Variants in TDRD1 observed in about 807,000 individuals in gnomAD.
The protein encoded by TDRD1 is tudor domain containing 1.
A neutral mutation model predicts 140.6 loss-of-function variants in TDRD1; 37 were observed. The observed-to-expected ratio is 0.26, with a 90% CI of 0.20 to 0.35. The LOEUF (loss-of-function observed/expected upper bound fraction) is 0.35, where lower values mean the gene tolerates loss of function less well. Ranked by LOEUF, TDRD1 falls within the 10% of genes least tolerant of loss-of-function variation. The pLI is 1.00. For synonymous variants in TDRD1, 506 were observed against 475.7 expected, an observed-to-expected ratio of 1.06 and a Z score of -0.83; for missense variants, 1,243 against 1,393.0, an observed-to-expected ratio of 0.89 and a Z score of 1.71.
chr10:114,191,213 T>G (rs1436989195), intron 3 of TDRD1, among the ~76,000 whole-genome samples, 194 bp downstream of exon 3: 1 of 152,252 alleles, frequency 6.6e-6, no homozygotes, highest in Non-Finnish European at 1.5e-5. Flanking sequence ...ATAATGGAGA[T>G]CCTGTGTAGT....
chr10:114,176,217 A>G (rs1391175436), upstream of TDRD1, among the ~76,000 whole-genome samples: 1 of 152,114 alleles, frequency 6.6e-6, no homozygotes, highest in Non-Finnish European at 1.5e-5. This position sits in a 1 kb window ranked among gnomAD's most constrained non-coding sequence, Gnocchi z 4.2. Flanking sequence ...ATTTTCTGAA[A>G]TGCTACAATA....
chr10:114,217,389 GT>G (rs1240543880), intron 16 of TDRD1, among the ~76,000 whole-genome samples, 155 bp from the exon 17 acceptor site: 1 of 152,120 alleles, frequency 6.6e-6, no homozygotes, highest in Non-Finnish European at 1.5e-5. Flanking sequence ...TTGCCCAGTA[GT>G]TTTTTAATAA....
chr10:114,219,645 T>C (rs1318456412), intron 18 of TDRD1, among the ~76,000 whole-genome samples: 1 of 148,080 alleles, frequency 6.8e-6, no homozygotes. Flanking sequence ...TGGAGTGCAA[T>C]GGCACAATCT....
chr10:114,202,496 G>A (rs1157317416), intron 6 of TDRD1, among the ~76,000 whole-genome samples, 198 bp downstream of exon 6: 1 of 152,080 alleles, frequency 6.6e-6, no homozygotes, highest in African/African-American at 2.4e-5. Context: ...GGATGTGGCA[G>A]TATCTCAGTG....
chr10:114,202,472 CT>C (rs1402460873), intron 6 of TDRD1, among the ~76,000 whole-genome samples, 174 bp downstream of exon 6: 2 of 152,022 alleles, frequency 1.3e-5, no homozygotes, highest in Non-Finnish European at 2.9e-5. Flanking sequence ...ATTACTTCAT[CT>C]TTTTTTCAAA....
At chr10:114,222,307 C>T (rs2036191756) in intron 20 of TDRD1, among the ~76,000 whole-genome samples, 1 of 152,126 alleles carries the variant, frequency 6.6e-6, no homozygotes, top group South Asian at 2.1e-4. Flanking sequence ...TAAGTTTTCA[C>T]AGAGTGAACA....
exon 20 of TDRD1, chr10:114,221,398 G>A: frequency 6.2e-7 from 1 of 1,612,968 alleles, no homozygotes. Context: ...AGAATTGCCA[G>A]TGGATAAAAC....
At chr10:114,177,834 CT>C (rs34189756), upstream of TDRD1, among the ~76,000 whole-genome samples, 19,635 of 130,830 alleles carry the variant, frequency 0.15, 1,114 homozygotes, top group African/African-American at 0.19. Context: ...CTTTCTTTTT[CT>C]TTTTTTTTTT....
chr10:114,220,533 A>G (rs1314482217), intron 18 of TDRD1, 35 bp from the exon 19 acceptor site: 1 of 1,555,144 alleles, frequency 6.4e-7, no homozygotes, highest in Non-Finnish European at 8.8e-7. Flanking sequence ...AAACTTGTTC[A>G]TAGGATTCTT....
In TDRD1 at chr10:114,226,568, C is replaced by T. The variant is rs187670591; in HGVS notation, c.3175+352C>T. 1.2e-4 allele frequency among the ~76,000 whole-genome samples: 19 copies of T among 152,274 alleles called. No homozygotes were observed. The East Asian group carries it at 2.7e-3, about 22-fold the overall frequency. ...CCTCTCATTTGGGGTCTTTCTGCTT[C>T]GTCACATCTCTCTTTAGGGACTAAA... On this transcript the variant is annotated intron_variant, in intron 22 of 25. Coordinates refer to ENST00000251864, the Ensembl canonical transcript of TDRD1.
At chr10:114,180,841 A>C (rs748611411) in intron 1 of TDRD1, among the ~76,000 whole-genome samples, 1 of 152,220 alleles carries the variant, frequency 6.6e-6, no homozygotes, top group Non-Finnish European at 1.5e-5. Context: ...AGCAAACATC[A>C]GAGAAGGAAA....
chr10:114,187,877 G>A, exon 2 of TDRD1: 2 of 1,604,032 alleles, frequency 1.2e-6, no homozygotes, highest in Non-Finnish European at 1.7e-6. Context: ...AAATAATTTG[G>A]AAGCACCTCC....
chr10:114,214,246 A>G (rs2035667825), intron 16 of TDRD1, 132 bp downstream of exon 16: 3 of 756,756 alleles, frequency 4.0e-6, no homozygotes, highest in Non-Finnish European at 6.3e-6. Context: ...TATTTCCAAG[A>G]AAGATTTGGT....
chr10:114,194,854 A>G (rs1354310788), intron 3 of TDRD1, among the ~76,000 whole-genome samples: 1 of 142,672 alleles, frequency 7.0e-6, no homozygotes, highest in African/African-American at 2.6e-5. Flanking sequence ...GTACTCCTGG[A>G]CTCAAGCAAT....
chr10:114,175,015 A>C (rs928166688), upstream of TDRD1, among the ~76,000 whole-genome samples: 24 of 152,240 alleles, frequency 1.6e-4, no homozygotes, highest in Admixed American at 3.3e-4. Flanking sequence ...CGATTCTGCA[A>C]TGTAAGAATT....
intron 16 of TDRD1, among the ~76,000 whole-genome samples, chr10:114,216,635 T>C (rs1022625011): frequency 5.9e-5 from 9 of 152,168 alleles, no homozygotes; most frequent in African/African-American, 2.2e-4. Flanking sequence ...ACTTTAGGAG[T>C]AGATCTCTGG....
intron 16 of TDRD1, among the ~76,000 whole-genome samples, chr10:114,217,279 A>C (rs143433723): frequency 1.3e-5 from 2 of 152,252 alleles, no homozygotes; most frequent in Admixed American, 6.5e-5. Flanking sequence ...TGCAAAGTTC[A>C]TGCTTTAGTG....
chr10:114,204,595 A>T, intron 9 of TDRD1, 127 bp from the exon 10 acceptor site: 1 of 930,924 alleles, frequency 1.1e-6, no homozygotes, highest in Non-Finnish European at 1.6e-6. Flanking sequence ...AAAATTGTCT[A>T]TCTGATTAGT....
intron 25 of TDRD1, chr10:114,228,601 A>G: frequency 1.0e-6 from 1 of 985,426 alleles, no homozygotes; most frequent in African/African-American, 1.7e-5. Context: ...GGCTGCACTG[A>G]GGGTATTTTT....
Sources: allele counts gnomAD v4.1 joint callset (sites outside exome capture counted in the v4.1 genomes callset), GRCh38; gene constraint gnomAD v4.1.1; non-coding constraint Gnocchi (gnomAD v3.1); transcripts MANE v1.5; gene names NCBI Gene and HGNC (gene_info 2026-07-23, HGNC 2026-07-21).